SLC12A7: variants seen among roughly 807,000 people sequenced by gnomAD.
SLC12A7 encodes solute carrier family 12 member 7, also known as K-Cl cotransporter 4.
In SLC12A7, 100 loss-of-function variants were observed where a neutral mutation model predicts 120.6. The ratio of observed to expected loss-of-function variants is 0.83; its 90% CI spans 0.71 to 0.98. SLC12A7 has a LOEUF of 0.98. SLC12A7 is among the 50% of genes least tolerant of loss of function. The probability of loss-of-function intolerance (pLI) is 0.00; values close to 1 mark genes in which losing one functional copy is unlikely to be tolerated. For synonymous variants in SLC12A7, 760 were observed against 678.0 expected (o/e 1.12, Z -1.88); for missense variants, 1,373 against 1,548.1 (o/e 0.89, Z 1.90).
chr5:1,081,285 C>A (rs1470857757), intron 9 of SLC12A7, among the ~76,000 whole-genome samples: 1 of 152,152 alleles, frequency 6.6e-6, no homozygotes, highest in Non-Finnish European at 1.5e-5. Context: ...CGTGGGGAGA[C>A]CCCCGTCTAC....
chr5:1,075,246 C>T, intron 15 of SLC12A7, 125 bp downstream of exon 15: 2 of 1,352,856 alleles, frequency 1.5e-6, no homozygotes, highest in Non-Finnish European at 2.0e-6. Context: ...CTCCCAGCTG[C>T]CCCTGTGAGG....
At chr5:1,097,852 T>G (rs1307609871) in intron 1 of SLC12A7, among the ~76,000 whole-genome samples, 1 of 152,086 alleles carries the variant, frequency 6.6e-6, no homozygotes, top group African/African-American at 2.4e-5. Flanking sequence ...CTCCCCTCAC[T>G]TTCTTGAGAA....
intron 7 of SLC12A7, among the ~76,000 whole-genome samples, chr5:1,084,389 G>A (rs970634588): frequency 5.3e-5 from 8 of 152,184 alleles, no homozygotes; most frequent in Admixed American, 2.6e-4. Context: ...CGCTGCAGCC[G>A]CTCCCTCCCC....
At chr5:1,139,076 G>T in the SLC12A7 span, among the ~76,000 whole-genome samples, 3 of 147,362 alleles carry the variant, frequency 2.0e-5, no homozygotes, top group Non-Finnish European at 3.0e-5. Context: ...GTGGGGGGGG[G>T]GCTCTGGGCG....
chr5:1,079,955 G>A (rs1310247514), intron 9 of SLC12A7, among the ~76,000 whole-genome samples: 1 of 152,216 alleles, frequency 6.6e-6, no homozygotes, highest in Non-Finnish European at 1.5e-5. Flanking sequence ...TTGCTCTAGG[G>A]AGCCACGGCC....
the SLC12A7 span, among the ~76,000 whole-genome samples, chr5:1,125,923 CAAAAAA>C: frequency 2.0e-5 from 2 of 100,612 alleles, no homozygotes; most frequent in African/African-American, 3.5e-5. Context: ...GGCCCTGCCT[CAAAAAA>C]AAAAAAAAAA....
At chr5:1,140,045 G>T in the SLC12A7 span, among the ~76,000 whole-genome samples, 1 of 152,200 alleles carries the variant, frequency 6.6e-6, no homozygotes. Context: ...AGCATCCCAG[G>T]TCTCAGGGCA....
the SLC12A7 span, among the ~76,000 whole-genome samples, chr5:1,121,440 G>A: frequency 6.6e-6 from 1 of 152,196 alleles, no homozygotes; most frequent in Non-Finnish European, 1.5e-5. Flanking sequence ...CCCTGCAGCC[G>A]AGTCCCAAGC....
chr5:1,080,361 G>A lies in SLC12A7; in HGVS notation c.1298-865C>T, dbSNP rs1189927180. On this transcript the variant is annotated intron_variant, in intron 9 of 23. Transcript: ENST00000264930. ...CGGCGCGGAGCGCACTCAGACGGACGGGGGAGGCTGGAGCGGAGGTACAGG... is the reference window on the plus strand; with the variant it reads ...CGGCGCGGAGCGCACTCAGACGGACAGGGGAGGCTGGAGCGGAGGTACAGG... Among the ~76,000 whole-genome samples the A allele has an allele frequency of 2.0e-5, 3 of 152,140 alleles. No homozygotes were observed. In the South Asian group the frequency reaches 6.2e-4, roughly 32 times the overall value.
rs544545490 is a variant in SLC12A7, at chr5:1,061,943, T to A, written c.2740-1492A>T. On this transcript the variant is annotated intron_variant, in intron 20 of 23. Coordinates refer to ENST00000264930, the MANE Select transcript of SLC12A7 (RefSeq NM_006598.3). ...GCGAGACTCTGTCTCAAAACTTTTT[T>A]TAAAAAAATAAACAGCATGCCAGAC... 5.5e-3 allele frequency among the ~76,000 whole-genome samples: 834 copies of A among 152,284 alleles called. 9 individuals are homozygous for A. The highest frequency in any genetic ancestry group is 0.018 in the African/African-American group (751 of 41,566).
intron 18 of SLC12A7, 70 bp from the exon 19 acceptor site, chr5:1,064,322 A>T: frequency 6.5e-7 from 1 of 1,535,824 alleles, no homozygotes; most frequent in Non-Finnish European, 8.8e-7. Flanking sequence ...CCGGGGACTC[A>T]CAGCCAGTGC....
At position 1,050,620 on chromosome 5, in the gene SLC12A7, C is replaced by T; in HGVS notation, c.*1740G>A. On this transcript the variant is annotated 3_prime_UTR_variant, in exon 24 of 24. Transcript: ENST00000264930. ...CCTCAGAAGCAGGGCTGTTTTCCAG[C>T]CACCAACCAACGTTCAGAGCCAGCA... is the stretch of plus-strand genomic sequence containing the variant. The T allele has an allele frequency of 2.7e-6, 1 of 372,970 alleles. No homozygotes were observed. Among genetic ancestry groups the T allele is most frequent in the Middle Eastern group, 6.8e-4 (1 of 1,480 alleles). The allele number at this position is 372,970 out of a possible 1,614,324, so 23.1% of individuals were successfully genotyped here. A position where few individuals can be genotyped will look rare whatever the true frequency, so the allele number is the denominator to read the frequency against.
chr5:1,070,070 C>T (rs1737530850), intron 17 of SLC12A7, among the ~76,000 whole-genome samples: 1 of 11,604 alleles, frequency 8.6e-5, no homozygotes. Context: ...CCCCAGCACA[C>T]GGGCATCACA....
At chr5:1,112,243 T>C (rs149000074), upstream of SLC12A7, among the ~76,000 whole-genome samples, 7,584 of 150,774 alleles carry the variant, frequency 0.05, 259 homozygotes, top group African/African-American at 0.097. Context: ...CTGCCTGCGC[T>C]CCCGACCATC....
At chr5:1,153,477 G>A in the SLC12A7 span, among the ~76,000 whole-genome samples, 4 of 152,330 alleles carry the variant, frequency 2.6e-5, 1 homozygote, top group South Asian at 4.1e-4. Context: ...CTGGGCACCC[G>A]GAGGAGAGGC....
chr5:1,094,314 T>C, intron 1 of SLC12A7, 66 bp from the exon 2 acceptor site: 1 of 1,192,504 alleles, frequency 8.4e-7, no homozygotes, highest in Non-Finnish European at 1.3e-6. Context: ...GAAGGCCAAC[T>C]ACAGATCTTG....
intron 1 of SLC12A7, among the ~76,000 whole-genome samples, chr5:1,097,660 T>C (rs1051093116): frequency 2.0e-4 from 31 of 152,208 alleles, no homozygotes; most frequent in African/African-American, 7.2e-4. Flanking sequence ...ACACAGACGA[T>C]GAGTCCAGAA....
At chr5:1,065,177 G>A (rs1736891296) in intron 18 of SLC12A7, 106 bp downstream of exon 18, 3 of 986,654 alleles carry the variant, frequency 3.0e-6, no homozygotes, top group Non-Finnish European at 4.5e-6. Context: ...ACAGTGAGAG[G>A]ACAGCGAGGG....
intron 21 of SLC12A7, among the ~76,000 whole-genome samples, chr5:1,057,928 C>T (rs566308444): frequency 6.6e-6 from 1 of 152,344 alleles, no homozygotes; most frequent in South Asian, 2.1e-4. Flanking sequence ...GGAGGTGACA[C>T]GTGCTGGCAG....
Sources: gnomAD v4.1 joint callset for allele counts (sites outside exome capture counted in the v4.1 genomes callset) on GRCh38, gnomAD v4.1.1 for gene constraint, MANE v1.5 for transcripts, NCBI Gene and HGNC (gene_info 2026-07-23, HGNC 2026-07-21) for gene names.